The following TMEM108 variants were observed in gnomAD, a reference collection of about 807,000 sequenced individuals.
TMEM108 encodes the protein cancer/testis antigen 124.
In TMEM108, 12 loss-of-function variants were observed where a neutral mutation model predicts 35.1. The ratio of observed to expected loss-of-function variants is 0.34; its 90% CI spans 0.22 to 0.55. The LOEUF (loss-of-function observed/expected upper bound fraction) is 0.55. TMEM108 is among the 20% of genes least tolerant of loss of function. The pLI is 0.89. For missense variants in TMEM108, 680 were observed against 753.3 expected, an observed-to-expected ratio of 0.90 and a Z score of 1.14; for synonymous variants, 287 against 308.6, an observed-to-expected ratio of 0.93 and a Z score of 0.73.
At chr3:133,252,325 G>A (rs964704699) in intron 3 of TMEM108, among the ~76,000 whole-genome samples, 1 of 152,246 alleles carries the variant, frequency 6.6e-6, no homozygotes, top group East Asian at 1.9e-4. Flanking sequence ...ACAACTGTGG[G>A]GGCACCATTC....
rs1945678651 is a variant in TMEM108 at position 133,202,159 on chromosome 3, T to G, written c.-46-27107T>G. On this transcript the variant is annotated intron_variant, in intron 2 of 5. Coordinates refer to ENST00000321871, the MANE Select transcript of TMEM108 (RefSeq NM_023943.4). ...TTTTGATGGGGTTGTTTTTATTTCC[T>G]TATAAATTTGTTTAATTCCTTGTAG... Among the ~76,000 whole-genome samples, 3 of 134,342 alleles carry G rather than the reference T, an allele frequency of 2.2e-5. No homozygotes were observed. In the South Asian group the frequency reaches 7.1e-4, roughly 32 times the overall value. 88.1% of individuals were successfully genotyped at this position (134,342 alleles called of 152,430 possible).
At chr3:133,229,210 C>G in intron 2 of TMEM108, 56 bp from the exon 3 acceptor site, 4 of 1,194,754 alleles carry the variant, frequency 3.3e-6, no homozygotes, top group Non-Finnish European at 4.8e-6. Flanking sequence ...GGAGTTATTT[C>G]TGATTTTTAA....
chr3:133,203,441 A>G (rs1344634859), intron 2 of TMEM108, among the ~76,000 whole-genome samples: 3 of 152,148 alleles, frequency 2.0e-5, no homozygotes, highest in Non-Finnish European at 4.4e-5. Context: ...TGTCATAAAT[A>G]GCTCTTACTA....
intron 2 of TMEM108, among the ~76,000 whole-genome samples, chr3:133,138,463 A>G (rs1000914227): frequency 6.6e-6 from 1 of 152,166 alleles, no homozygotes; most frequent in Non-Finnish European, 1.5e-5. Context: ...CCCAACACAA[A>G]TCCATAAACT....
At chr3:133,242,433 A>T (rs1196553591) in intron 3 of TMEM108, among the ~76,000 whole-genome samples, 1 of 152,236 alleles carries the variant, frequency 6.6e-6, no homozygotes, top group Non-Finnish European at 1.5e-5. Context: ...AAGTTTAACC[A>T]TAAAGTGAGA....
At chr3:133,054,573 AT>A (rs1943443242) in intron 2 of TMEM108, among the ~76,000 whole-genome samples, 1 of 152,224 alleles carries the variant, frequency 6.6e-6, no homozygotes, top group Non-Finnish European at 1.5e-5. Context: ...AAATGTTGAC[AT>A]TTGGTGGATT....
intron 2 of TMEM108, among the ~76,000 whole-genome samples, chr3:133,209,423 G>A (rs111430440): frequency 1.2e-4 from 19 of 152,094 alleles, no homozygotes; most frequent in Non-Finnish European, 2.5e-4. Context: ...AGGCAAAGCT[G>A]TCTATAGAGT....
intron 2 of TMEM108, among the ~76,000 whole-genome samples, chr3:133,129,859 C>T (rs531264737): frequency 6.7e-6 from 1 of 149,076 alleles, no homozygotes; most frequent in Non-Finnish European, 1.5e-5. Context: ...AATCTGATTA[C>T]TTTCTAAATG....
chr3:133,086,608 C>T (rs1282187805), intron 2 of TMEM108, among the ~76,000 whole-genome samples: 1 of 152,140 alleles, frequency 6.6e-6, no homozygotes, highest in Non-Finnish European at 1.5e-5. Flanking sequence ...GAAACAGGCC[C>T]TCTCTTTATT....
intron 4 of TMEM108, among the ~76,000 whole-genome samples, 172 bp downstream of exon 4, chr3:133,381,333 G>T (rs889026985): frequency 6.6e-6 from 1 of 152,218 alleles, no homozygotes; most frequent in African/African-American, 2.4e-5. Context: ...CCTCAGCTCT[G>T]CCTGGCCATG....
At chr3:133,128,704 T>A (rs1944448776) in intron 2 of TMEM108, among the ~76,000 whole-genome samples, 1 of 152,154 alleles carries the variant, frequency 6.6e-6, no homozygotes, top group African/African-American at 2.4e-5. Flanking sequence ...GATCATCTAC[T>A]CTAATCCCAT....
At chr3:133,356,221 C>T (rs1386307990) in intron 3 of TMEM108, among the ~76,000 whole-genome samples, 1 of 151,390 alleles carries the variant, frequency 6.6e-6, no homozygotes, top group Non-Finnish European at 1.5e-5. Context: ...ATCACTTTTA[C>T]AACAGCTGAA....
At chr3:133,231,224 CATG>C (rs1946148916) in intron 3 of TMEM108, among the ~76,000 whole-genome samples, 1 of 152,038 alleles carries the variant, frequency 6.6e-6, no homozygotes, top group Non-Finnish European at 1.5e-5. Flanking sequence ...TTATATAACT[CATG>C]ATAAAAATAT....
At chr3:133,272,115 TGGATTCTC>T (rs1946778670) in intron 3 of TMEM108, among the ~76,000 whole-genome samples, 1 of 152,176 alleles carries the variant, frequency 6.6e-6, no homozygotes, top group African/African-American at 2.4e-5. Flanking sequence ...TGCAGATTCT[TGGATTCTC>T]GTCAATAAGG....
intron 3 of TMEM108, among the ~76,000 whole-genome samples, chr3:133,292,658 T>C (rs1208835288): frequency 6.6e-6 from 1 of 152,132 alleles, no homozygotes; most frequent in Non-Finnish European, 1.5e-5. Context: ...CTGGAGACAG[T>C]TTTTATAAAG....
intron 3 of TMEM108, among the ~76,000 whole-genome samples, chr3:133,243,846 C>T (rs1002177143): frequency 6.6e-6 from 1 of 152,052 alleles, no homozygotes; most frequent in Non-Finnish European, 1.5e-5. Context: ...TAATGAGTGT[C>T]GTAGGTTGGG....
At chr3:133,351,659 A>T (rs1222537983) in intron 3 of TMEM108, among the ~76,000 whole-genome samples, 1 of 152,176 alleles carries the variant, frequency 6.6e-6, no homozygotes, top group East Asian at 1.9e-4. Flanking sequence ...ACACTGTGAG[A>T]TGCACTTTCC....
At chr3:133,047,584 T>C (rs1943355420) in intron 2 of TMEM108, among the ~76,000 whole-genome samples, 1 of 152,162 alleles carries the variant, frequency 6.6e-6, no homozygotes, top group African/African-American at 2.4e-5. Context: ...AGCAGTGTCT[T>C]TGACCTCCAC....
At chr3:133,232,404 C>T (rs1946166491) in intron 3 of TMEM108, among the ~76,000 whole-genome samples, 1 of 152,158 alleles carries the variant, frequency 6.6e-6, no homozygotes, top group South Asian at 2.1e-4. Context: ...CACATATTGG[C>T]TCCCCTTTAC....
Sources: gnomAD v4.1 joint callset for allele counts (sites outside exome capture counted in the v4.1 genomes callset) on GRCh38, gnomAD v4.1.1 for gene constraint, MANE v1.5 for transcripts, NCBI Gene and HGNC (gene_info 2026-07-23, HGNC 2026-07-21) for gene names.